Variants in TRMT44 observed in about 807,000 individuals in gnomAD.
TRMT44 encodes the protein tRNA methyltransferase 44 homolog.
In TRMT44, 78 loss-of-function variants were observed where a neutral mutation model predicts 77.3. The ratio of observed to expected loss-of-function variants is 1.01; its 90% confidence interval spans 0.84 to 1.22. The LOEUF is 1.22. TRMT44 is among the 50% of genes most tolerant of loss of function. The pLI is 0.00. For synonymous variants in TRMT44, 391 were observed against 383.3 expected (o/e 1.02, Z -0.23); for missense variants, 1,090 against 964.4 (o/e 1.13, Z -1.73).
intron 8 of TRMT44, 148 bp downstream of exon 8, chr4:8,465,709 G>A (rs773237233): frequency 4.2e-6 from 3 of 716,022 alleles, no homozygotes; most frequent in Non-Finnish European, 6.7e-6. Flanking sequence ...TGTCACTGAT[G>A]AGGCCCAGAG....
the TRMT44 span, among the ~76,000 whole-genome samples, chr4:8,506,288 G>T: frequency 6.6e-6 from 1 of 152,204 alleles, no homozygotes; most frequent in Non-Finnish European, 1.5e-5. Flanking sequence ...TGCTGAGGGC[G>T]CTTGGAGTGC....
intron 9 of TRMT44, among the ~76,000 whole-genome samples, chr4:8,470,349 C>A (rs551818088): frequency 2.0e-4 from 31 of 152,284 alleles, no homozygotes; most frequent in African/African-American, 7.5e-4. Flanking sequence ...AGACAGGCGC[C>A]GTCTCCTCCG....
chr4:8,482,080 C>T (rs1423946535), intron 2 of TRMT44, among the ~76,000 whole-genome samples: 1 of 152,190 alleles, frequency 6.6e-6, no homozygotes, highest in Non-Finnish European at 1.5e-5. Context: ...TTGCTAAACC[C>T]TTCACTGTAA....
chr4:8,498,813 T>TG, the TRMT44 span, among the ~76,000 whole-genome samples: 1 of 151,952 alleles, frequency 6.6e-6, no homozygotes, highest in Non-Finnish European at 1.5e-5. This position sits in a 1 kb window ranked among gnomAD's most constrained non-coding sequence, Gnocchi z 4.3. Context: ...GTGTTCTGGG[T>TG]GGGGAGTCAG....
chr4:8,441,196 G>A lies in TRMT44; in HGVS notation c.374G>A (p.Gly125Glu). Residue 125 changes from glycine (G) to glutamate (E), a missense_variant, in exon 1 of 11, where the codon GGG (glycine) becomes GAG (glutamate). Transcript: ENST00000389737. Reference sequence around the variant, plus strand: ...GCCTCAGTGCCCCTGAGGGACTCCGGGCACCCCGGCCATGCTGAAGGAAGG... The same window carrying A: ...GCCTCAGTGCCCCTGAGGGACTCCGAGCACCCCGGCCATGCTGAAGGAAGG... ...EAASVPLRDS[G>E]HPGHAEGREG... 1 of 1,534,788 alleles carries A rather than the reference G, an allele frequency of 6.5e-7. No homozygotes were observed.
At chr4:8,499,296 G>A in the TRMT44 span, among the ~76,000 whole-genome samples, 3 of 152,196 alleles carry the variant, frequency 2.0e-5, no homozygotes, top group African/African-American at 7.2e-5. Flanking sequence ...CCCCTGCCCT[G>A]GGCCGTGTCT....
chr4:8,474,727 G>A (rs1290775191), intron 10 of TRMT44, among the ~76,000 whole-genome samples: 5 of 152,314 alleles, frequency 3.3e-5, no homozygotes, highest in African/African-American at 1.2e-4. Flanking sequence ...AGCTTCCAGC[G>A]AGAACCAGGA....
intron 1 of TRMT44, among the ~76,000 whole-genome samples, chr4:8,442,733 G>C (rs1724829567): frequency 6.6e-6 from 1 of 152,204 alleles, no homozygotes; most frequent in African/African-American, 2.4e-5. Context: ...TCAGTTGCTG[G>C]AGGCTTCTTT....
the TRMT44 span, among the ~76,000 whole-genome samples, chr4:8,514,483 G>A: frequency 6.6e-6 from 1 of 151,876 alleles, no homozygotes; most frequent in Non-Finnish European, 1.5e-5. Context: ...CACCATGTTG[G>A]CCAGGCTGGT....
intron 2 of TRMT44, among the ~76,000 whole-genome samples, chr4:8,489,354 T>C (rs759560726): frequency 7.9e-5 from 12 of 152,250 alleles, no homozygotes; most frequent in Non-Finnish European, 1.2e-4. Flanking sequence ...AAAATGATGA[T>C]GGTGAAAGAG....
At chr4:8,514,271 T>G in the TRMT44 span, among the ~76,000 whole-genome samples, 1 of 150,740 alleles carries the variant, frequency 6.6e-6, no homozygotes, top group East Asian at 2.0e-4. Flanking sequence ...TTTTTTTTTT[T>G]TGAGACAAAG....
At chr4:8,447,928 G>A (rs566488120) in intron 2 of TRMT44, among the ~76,000 whole-genome samples, 7 of 152,316 alleles carry the variant, frequency 4.6e-5, no homozygotes, top group East Asian at 3.9e-4. Context: ...GGTGCAGGGC[G>A]GGGTTGCAGG....
chr4:8,441,140 G>A lies in TRMT44; in HGVS notation c.318G>A (p.Gln106=). 1 of 1,523,588 alleles carries A rather than the reference G, an allele frequency of 6.6e-7. No individual in the cohort carries two copies. Among genetic ancestry groups the A allele is most frequent in the East Asian group, 2.5e-5 (1 of 40,620 alleles). The allele number at this position is 1,523,588 out of a possible 1,614,324, so 94.4% of individuals were successfully genotyped here. ...GCGAACTTGAGGAGGCCCAGGGCCA[G>A]TGCCAGCAAGAGGAGGCACAGAGGG... ...ACCELEEAQG[Q]CQQEEAQREA... is the part of the protein sequence containing the mutation. The change falls in exon 1 of 11, where the codon CAG becomes CAA. Residue 106 remains glutamine (Q), a synonymous_variant. Transcript: ENST00000389737.
chr4:8,468,924 T>C (rs1340548712), intron 9 of TRMT44, among the ~76,000 whole-genome samples: 2 of 152,234 alleles, frequency 1.3e-5, no homozygotes, highest in African/African-American at 2.4e-5. Flanking sequence ...GCAGGGATGC[T>C]GCTTGGCCGC....
chr4:8,463,067 C>G (rs945382183), intron 6 of TRMT44, among the ~76,000 whole-genome samples: 2 of 152,204 alleles, frequency 1.3e-5, no homozygotes, highest in South Asian at 4.1e-4. Context: ...GTCTGTAAAA[C>G]ATTCTTGTGT....
chr4:8,464,096 G>GA lies in TRMT44; in HGVS notation c.1310+7dup. 1 of 1,611,556 alleles carries GA rather than the reference G, an allele frequency of 6.2e-7. No individual in the cohort carries two copies. The highest frequency in any genetic ancestry group is 8.5e-7 in the Non-Finnish European group (1 of 1,177,888). ...GATACCTGTCATTGCAGCCAGGTGA[G>GA]AAGTAGAGGAGTTATCAGGTGAATG... On this transcript the variant is annotated splice_donor_region_variant and intron_variant, in intron 7 of 10. Coordinates refer to ENST00000389737, the MANE Select transcript of TRMT44 (RefSeq NM_152544.3).
At chr4:8,464,402 A>G (rs1357302268) in intron 7 of TRMT44, among the ~76,000 whole-genome samples, 1 of 152,236 alleles carries the variant, frequency 6.6e-6, no homozygotes. Flanking sequence ...ATCCGGTGTC[A>G]AAAGAGGTGT....
the TRMT44 span, among the ~76,000 whole-genome samples, chr4:8,514,466 G>A: frequency 1.3e-5 from 2 of 151,784 alleles, no homozygotes; most frequent in Admixed American, 6.6e-5. Context: ...TAGTAGAGAT[G>A]GGGTTTCACC....
chr4:8,454,939 C>T (rs977643719), intron 6 of TRMT44, 126 bp downstream of exon 6: 3 of 842,140 alleles, frequency 3.6e-6, no homozygotes, highest in African/African-American at 3.4e-5. Flanking sequence ...TCACATTAAT[C>T]TAAGTGCTCT....
Sources: gnomAD v4.1 joint callset for allele counts (sites outside exome capture counted in the v4.1 genomes callset) on GRCh38, gnomAD v4.1.1 for gene constraint, Gnocchi (gnomAD v3.1) non-coding constraint, MANE v1.5 for transcripts, NCBI Gene and HGNC (gene_info 2026-07-23, HGNC 2026-07-21) for gene names.